Variants in DIAPH3 observed in about 807,000 individuals in gnomAD.
The protein encoded by DIAPH3 is protein diaphanous homolog 3.
A neutral mutation model predicts 144.3 loss-of-function variants in DIAPH3; 117 were observed. The observed-to-expected ratio is 0.81, with a 90% confidence interval of 0.70 to 0.95. The LOEUF (loss-of-function observed/expected upper bound fraction) is 0.95, where lower values mean the gene tolerates loss of function less well. Among genes scored for constraint, DIAPH3 ranks in the 40% least tolerant of loss-of-function variants. DIAPH3 has a pLI of 0.00. For synonymous variants in DIAPH3, 519 were observed against 488.9 expected (o/e 1.06, Z -0.81); for missense variants, 1,421 against 1,412.7 (o/e 1.01, Z -0.09).
intron 3 of DIAPH3, among the ~76,000 whole-genome samples, chr13:60,108,923 G>C (rs1246536891): frequency 6.6e-6 from 1 of 151,994 alleles, no homozygotes; most frequent in Non-Finnish European, 1.5e-5. Context: ...TAGGAAATAT[G>C]ATGAGTTCAC....
intron 3 of DIAPH3, among the ~76,000 whole-genome samples, chr13:60,097,590 G>A (rs1487590090): frequency 6.6e-6 from 1 of 152,110 alleles, no homozygotes; most frequent in African/African-American, 2.4e-5. Flanking sequence ...TTCAGCCTCA[G>A]GTATTCCTTT....
intron 25 of DIAPH3, among the ~76,000 whole-genome samples, chr13:59,799,774 T>G (rs940797968): frequency 6.6e-6 from 1 of 152,242 alleles, no homozygotes; most frequent in African/African-American, 2.4e-5. Context: ...AGATATTTTT[T>G]TGAACATGGT....
rs79502510 is a variant in DIAPH3 at position 60,133,971 on chromosome 13, G to A, written c.181-982C>T. 9.7e-3 allele frequency among the ~76,000 whole-genome samples: 1,482 copies of A among 152,258 alleles called. 12 individuals are homozygous for A. Among genetic ancestry groups the A allele is most frequent in the African/African-American group, 0.033 (1,371 of 41,546 alleles). The stretch of plus-strand genomic sequence containing the variant: ...AAATTCAACATTTACTTAATAGAAT[G>A]AAATTTATCATTCATGTTTGTATAC... On this transcript the variant is annotated intron_variant, in intron 1 of 27. Coordinates refer to ENST00000400324, the MANE Select transcript of DIAPH3 (RefSeq NM_001042517.2).
intron 20 of DIAPH3, among the ~76,000 whole-genome samples, chr13:59,910,567 A>G (rs191245749): frequency 2.6e-5 from 4 of 151,974 alleles, no homozygotes; most frequent in Middle Eastern, 3.4e-3. Flanking sequence ...ATCTCTATTA[A>G]AAATACAAAA....
At chr13:59,822,997 T>C (rs1194251075) in intron 24 of DIAPH3, among the ~76,000 whole-genome samples, 1 of 152,210 alleles carries the variant, frequency 6.6e-6, no homozygotes, top group African/African-American at 2.4e-5. Context: ...AGTTGATTTC[T>C]TTTCCCTATA....
intron 24 of DIAPH3, among the ~76,000 whole-genome samples, chr13:59,832,553 C>A (rs2041832316): frequency 6.6e-6 from 1 of 151,738 alleles, no homozygotes; most frequent in African/African-American, 2.4e-5. Flanking sequence ...TTTTCTTCCC[C>A]CCACCTAATC....
intron 20 of DIAPH3, among the ~76,000 whole-genome samples, chr13:59,899,440 G>A (rs1049398967): frequency 1.3e-5 from 2 of 152,180 alleles, no homozygotes; most frequent in African/African-American, 2.4e-5. Flanking sequence ...GAGAGAACAA[G>A]CCATTTGAAT....
intron 22 of DIAPH3, among the ~76,000 whole-genome samples, chr13:59,846,795 G>C (rs2042660253): frequency 6.6e-6 from 1 of 152,214 alleles, no homozygotes; most frequent in African/African-American, 2.4e-5. Flanking sequence ...AAACTGTGCT[G>C]CCGGGTGCAG....
intron 4 of DIAPH3, among the ~76,000 whole-genome samples, chr13:60,049,030 A>G (rs2056212500): frequency 6.6e-6 from 1 of 152,234 alleles, no homozygotes; most frequent in Non-Finnish European, 1.5e-5. Flanking sequence ...AGAACAACCC[A>G]AGTATTCATC....
chr13:59,931,800 A>G (rs1277546883), intron 17 of DIAPH3, among the ~76,000 whole-genome samples: 2 of 152,178 alleles, frequency 1.3e-5, no homozygotes, highest in African/African-American at 4.8e-5. Context: ...ACAGTTGAGG[A>G]ACAGGTTTGG....
intron 27 of DIAPH3, among the ~76,000 whole-genome samples, chr13:59,721,826 T>A (rs1235040818): frequency 6.6e-6 from 1 of 152,084 alleles, no homozygotes; most frequent in Non-Finnish European, 1.5e-5. Flanking sequence ...GGGAAGGAAT[T>A]CCAGTCCCAC....
At chr13:60,142,565 G>A (rs1206574593) in intron 1 of DIAPH3, among the ~76,000 whole-genome samples, 1 of 152,072 alleles carries the variant, frequency 6.6e-6, no homozygotes, top group Admixed American at 6.5e-5. Context: ...CCCCCCAAGA[G>A]GTCTACATGC....
intron 17 of DIAPH3, among the ~76,000 whole-genome samples, chr13:59,955,701 G>A (rs1013981590): frequency 6.6e-6 from 1 of 152,154 alleles, no homozygotes; most frequent in African/African-American, 2.4e-5. Flanking sequence ...CCTTCCTAGA[G>A]ACTTGGAGGG....
intron 27 of DIAPH3, among the ~76,000 whole-genome samples, chr13:59,676,638 T>G (rs1263206016): frequency 6.6e-6 from 1 of 152,150 alleles, no homozygotes; most frequent in Non-Finnish European, 1.5e-5. Context: ...ATAATGAACA[T>G]GCAAAACAAT....
chr13:60,039,730 T>C (rs1027184220), intron 5 of DIAPH3, among the ~76,000 whole-genome samples: 9 of 152,204 alleles, frequency 5.9e-5, no homozygotes, highest in African/African-American at 2.2e-4. Flanking sequence ...TACTTAATGA[T>C]ATTACAGGTC....
At chr13:59,824,898 T>C (rs2041292679) in intron 24 of DIAPH3, among the ~76,000 whole-genome samples, 1 of 152,046 alleles carries the variant, frequency 6.6e-6, no homozygotes, top group African/African-American at 2.4e-5. Flanking sequence ...TAAAATCCCA[T>C]CGGGAAATGT....
intron 27 of DIAPH3, among the ~76,000 whole-genome samples, chr13:59,729,624 C>T (rs148726887): frequency 3.3e-5 from 5 of 151,824 alleles, no homozygotes; most frequent in African/African-American, 9.7e-5. Context: ...GACCTATATA[C>T]AAATACATAA....
chr13:59,954,856 G>T (rs529585645), intron 17 of DIAPH3, among the ~76,000 whole-genome samples: 1 of 152,062 alleles, frequency 6.6e-6, no homozygotes, highest in Non-Finnish European at 1.5e-5. Flanking sequence ...CAATCATGAG[G>T]CAGCACTAAG....
intron 4 of DIAPH3, among the ~76,000 whole-genome samples, chr13:60,078,720 A>T (rs1361206442): frequency 6.6e-6 from 1 of 151,938 alleles, no homozygotes; most frequent in Non-Finnish European, 1.5e-5. Flanking sequence ...TTTTCAATTC[A>T]TATATATTTG....
Sources: gnomAD v4.1 joint callset for allele counts (sites outside exome capture counted in the v4.1 genomes callset) on GRCh38, gnomAD v4.1.1 for gene constraint, MANE v1.5 for transcripts, NCBI Gene and HGNC (gene_info 2026-07-23, HGNC 2026-07-21) for gene names.